The following PTPRD variants were observed in gnomAD, a reference collection of about 807,000 sequenced individuals.
PTPRD encodes receptor-type tyrosine-protein phosphatase delta.
In PTPRD, 34 loss-of-function variants were observed where a neutral mutation model predicts 214.5. The observed-to-expected ratio is 0.16, with a 90% CI of 0.12 to 0.21. The LOEUF is 0.21. Among genes scored for constraint, PTPRD ranks in the 10% least tolerant of loss-of-function variants. The pLI is 1.00. For missense variants in PTPRD, 2,545 were observed against 2,398.7 expected (o/e 1.06, Z -1.27); for synonymous variants, 1,128 against 845.7 (o/e 1.33, Z -5.79).
chr9:9,743,731 T>TACACACACACACACACACACACAC (rs4008087), intron 6 of PTPRD, among the ~76,000 whole-genome samples: 2 of 80,466 alleles, frequency 2.5e-5, no homozygotes, highest in East Asian at 2.3e-4. Context: ...ACTCAGTCTA[T>TACACACACACACACACACACACAC]ACACACACAC....
intron 6 of PTPRD, among the ~76,000 whole-genome samples, chr9:9,762,931 G>A (rs1288318287): frequency 6.6e-6 from 1 of 152,106 alleles, no homozygotes; most frequent in Non-Finnish European, 1.5e-5. Context: ...CAATACCAAG[G>A]TGACAACAAG....
At chr9:10,248,257 G>GT (rs1014998408) in intron 3 of PTPRD, among the ~76,000 whole-genome samples, 1 of 152,030 alleles carries the variant, frequency 6.6e-6, no homozygotes, top group Non-Finnish European at 1.5e-5. Context: ...CTCAGTCAAC[G>GT]TTTTTTGGGG....
At chr9:9,620,070 G>A (rs2095152195) in intron 7 of PTPRD, among the ~76,000 whole-genome samples, 1 of 151,854 alleles carries the variant, frequency 6.6e-6, no homozygotes, top group Non-Finnish European at 1.5e-5. Flanking sequence ...GGTTTTCCTT[G>A]GCATTGAAGT....
chr9:9,700,468 G>C (rs1032294882), intron 7 of PTPRD, among the ~76,000 whole-genome samples: 2 of 151,964 alleles, frequency 1.3e-5, no homozygotes, highest in African/African-American at 4.8e-5. Context: ...ACTCTACATG[G>C]TTTTGGAACC....
At chr9:9,521,238 G>A (rs562961142) in intron 8 of PTPRD, among the ~76,000 whole-genome samples, 27 of 152,236 alleles carry the variant, frequency 1.8e-4, no homozygotes, top group African/African-American at 6.3e-4. Context: ...AGAAATGGAT[G>A]ACTAGGTCTG....
chr9:8,943,551 A>C (rs894269799), intron 11 of PTPRD, among the ~76,000 whole-genome samples: 5 of 150,482 alleles, frequency 3.3e-5, no homozygotes, highest in African/African-American at 1.2e-4. Flanking sequence ...ATAAATAATA[A>C]ATTATTTTTA....
intron 9 of PTPRD, among the ~76,000 whole-genome samples, chr9:9,374,132 A>G (rs1217371854): frequency 2.8e-4 from 42 of 152,074 alleles, no homozygotes; most frequent in Non-Finnish European, 4.4e-5. Context: ...ACCTAAAAAT[A>G]TTCCAGAAAT....
At chr9:9,909,350 A>C (rs926342660) in intron 5 of PTPRD, among the ~76,000 whole-genome samples, 1 of 148,366 alleles carries the variant, frequency 6.7e-6, no homozygotes, top group African/African-American at 2.5e-5. Context: ...TTTCCTATTA[A>C]TTTAACTAAC....
intron 11 of PTPRD, among the ~76,000 whole-genome samples, chr9:8,826,277 C>A (rs2097173445): frequency 6.6e-6 from 1 of 152,114 alleles, no homozygotes; most frequent in Non-Finnish European, 1.5e-5. Context: ...CCAATCTATT[C>A]CTTACAAAGC....
chr9:10,535,571 C>A lies in PTPRD; in HGVS notation c.-600+76827G>T, dbSNP rs75412120. On this transcript the variant is annotated intron_variant, in intron 2 of 45. Transcript: ENST00000381196. ...ACTGTTTCCCATAAAATGAAATAAT[C>A]AAGTCACCACAGCAAGAGTTTTTAT... Among the ~76,000 whole-genome samples the A allele has an allele frequency of 1.1e-4, 16 of 152,126 alleles. No individual in the cohort carries two copies. In the East Asian group the frequency reaches 2.7e-3, roughly 26 times the overall value.
At chr9:10,280,360 C>CCACACACACA (rs61249776) in intron 3 of PTPRD, among the ~76,000 whole-genome samples, 12 of 144,724 alleles carry the variant, frequency 8.3e-5, no homozygotes, top group African/African-American at 2.3e-4. Flanking sequence ...TACATAAACA[C>CCACACACACA]CACACACACA....
At chr9:10,374,980 A>G (rs540986608) in intron 2 of PTPRD, among the ~76,000 whole-genome samples, 46 of 152,182 alleles carry the variant, frequency 3.0e-4, no homozygotes, top group African/African-American at 1.0e-3. Flanking sequence ...GTATTGAACT[A>G]TGGAAACATA....
intron 30 of PTPRD, among the ~76,000 whole-genome samples, chr9:8,471,635 T>C (rs576116844): frequency 1.3e-5 from 2 of 152,254 alleles, no homozygotes; most frequent in South Asian, 4.1e-4. Flanking sequence ...CCCTTCTTTT[T>C]CTACCCATCA....
At chr9:10,596,429 T>C (rs905070204) in intron 2 of PTPRD, among the ~76,000 whole-genome samples, 3 of 151,760 alleles carry the variant, frequency 2.0e-5, no homozygotes, top group Non-Finnish European at 3.0e-5. Context: ...TAAGCCTTTA[T>C]AGTCAAATAA....
At chr9:8,708,188 C>G (rs16924694) in intron 12 of PTPRD, among the ~76,000 whole-genome samples, 75,381 of 151,936 alleles carry the variant, frequency 0.5, 21,048 homozygotes, top group Non-Finnish European at 0.62. Context: ...CATGTCTCAG[C>G]CAATGTGCAA....
intron 12 of PTPRD, among the ~76,000 whole-genome samples, chr9:8,711,272 A>T (rs979656120): frequency 6.6e-6 from 1 of 152,116 alleles, no homozygotes; most frequent in Non-Finnish European, 1.5e-5. Context: ...ACATATAATT[A>T]TACTGTATAG....
intron 8 of PTPRD, among the ~76,000 whole-genome samples, chr9:9,522,096 G>C (rs186374674): frequency 7.4e-4 from 109 of 148,186 alleles, no homozygotes; most frequent in African/African-American, 2.6e-3. Flanking sequence ...GGCGGAGGTT[G>C]TGGTGAGCTG....
chr9:9,028,064 C>A (rs898616770), intron 10 of PTPRD, among the ~76,000 whole-genome samples: 1 of 151,910 alleles, frequency 6.6e-6, no homozygotes, highest in African/African-American at 2.4e-5. Context: ...ATTTACCATT[C>A]CCTGACAAAG....
chr9:9,529,079 C>T (rs1443297661), intron 8 of PTPRD, among the ~76,000 whole-genome samples: 29 of 151,542 alleles, frequency 1.9e-4, no homozygotes, highest in Non-Finnish European at 2.9e-5. Context: ...ATTACAGGTG[C>T]ATGCCACCAC....
Sources: allele counts gnomAD v4.1 joint callset (sites outside exome capture counted in the v4.1 genomes callset), GRCh38; gene constraint gnomAD v4.1.1; transcripts MANE v1.5; gene names NCBI Gene and HGNC (gene_info 2026-07-23, HGNC 2026-07-21).